Variants in CYYR1 observed in about 807,000 individuals in gnomAD.
The protein encoded by CYYR1 is cysteine and tyrosine-rich protein 1.
Under a neutral mutation model 15.2 loss-of-function variants are expected in CYYR1, and 14 were observed. The observed-to-expected ratio is 0.92, with a 90% CI of 0.61 to 1.44. CYYR1 has a LOEUF of 1.44. CYYR1 is among the 40% of genes most tolerant of loss of function. The pLI is 0.00. For missense variants in CYYR1, 228 were observed against 209.5 expected (o/e 1.09, Z -0.54); for synonymous variants, 80 against 77.4 (o/e 1.03, Z -0.18).
At chr21:26,507,141 CAT>C (rs1045260487) in intron 2 of CYYR1, among the ~76,000 whole-genome samples, 6 of 152,284 alleles carry the variant, frequency 3.9e-5, no homozygotes, top group Non-Finnish European at 7.4e-5. Context: ...AATTTTGACA[CAT>C]GAGACATATG....
At chr21:26,527,205 C>T (rs2065878102) in intron 2 of CYYR1, among the ~76,000 whole-genome samples, 1 of 152,176 alleles carries the variant, frequency 6.6e-6, no homozygotes, top group African/African-American at 2.4e-5. Context: ...GCCAGAAACA[C>T]TGCCAGTTTC....
chr21:26,492,983 ATG>A (rs545047939), intron 2 of CYYR1, among the ~76,000 whole-genome samples: 1 of 151,986 alleles, frequency 6.6e-6, no homozygotes. Flanking sequence ...TTGTGTGTAT[ATG>A]TGTGTGTGTG....
chr21:26,468,783 GA>G, intron 3 of CYYR1, 149 bp from the exon 4 acceptor site: 2 of 593,410 alleles, frequency 3.4e-6, no homozygotes, highest in Non-Finnish European at 5.9e-6. Context: ...ACATATGTAT[GA>G]AAGGGTAAGT....
chr21:26,532,387 T>C (rs942220820), intron 2 of CYYR1, among the ~76,000 whole-genome samples: 2 of 152,158 alleles, frequency 1.3e-5, no homozygotes, highest in African/African-American at 4.8e-5. Context: ...GTGAGAGGCT[T>C]CTAAGACAAA....
At chr21:26,472,715 CTT>C (rs1183260209) in intron 3 of CYYR1, among the ~76,000 whole-genome samples, 1 of 151,984 alleles carries the variant, frequency 6.6e-6, no homozygotes, top group African/African-American at 2.4e-5. Flanking sequence ...AATAAAAACT[CTT>C]TGTCAAAATG....
intron 2 of CYYR1, among the ~76,000 whole-genome samples, chr21:26,484,650 T>TA (rs1471372231): frequency 6.6e-6 from 1 of 152,132 alleles, no homozygotes; most frequent in African/African-American, 2.4e-5. Context: ...CTGGAGGACT[T>TA]AATTTATGTT....
chr21:26,496,252 T>G (rs1424199163), intron 2 of CYYR1, among the ~76,000 whole-genome samples: 1 of 152,214 alleles, frequency 6.6e-6, no homozygotes, highest in Non-Finnish European at 1.5e-5. Flanking sequence ...CAAAGGGGTC[T>G]GAAGCTGCTT....
chr21:26,566,086 T>A (rs2202517), intron 2 of CYYR1, among the ~76,000 whole-genome samples, 180 bp downstream of exon 2: 2 of 152,252 alleles, frequency 1.3e-5, no homozygotes, highest in Non-Finnish European at 2.9e-5. Flanking sequence ...TTTGCATATT[T>A]TGTCAAACAA....
At chr21:26,508,612 C>T (rs886531832) in intron 2 of CYYR1, among the ~76,000 whole-genome samples, 2 of 152,028 alleles carry the variant, frequency 1.3e-5, no homozygotes, top group African/African-American at 4.8e-5. Context: ...GAGATGCTGT[C>T]GTTTGGGTAC....
intron 2 of CYYR1, among the ~76,000 whole-genome samples, chr21:26,541,280 G>T (rs868366148): frequency 1.9e-4 from 29 of 151,972 alleles, no homozygotes; most frequent in African/African-American, 6.5e-4. Flanking sequence ...ATCCTATGTA[G>T]TATAAATAGA....
At chr21:26,510,741 C>A (rs558933643) in intron 2 of CYYR1, among the ~76,000 whole-genome samples, 7 of 152,178 alleles carry the variant, frequency 4.6e-5, no homozygotes, top group Admixed American at 4.6e-4. Context: ...TGTTGTCAGA[C>A]TTCAAAAAGA....
intron 2 of CYYR1, among the ~76,000 whole-genome samples, chr21:26,498,717 A>T: frequency 6.6e-6 from 1 of 152,164 alleles, no homozygotes; most frequent in East Asian, 1.9e-4. Flanking sequence ...ATTGACTCAC[A>T]CTTCCGCATG....
chr21:26,480,895 A>G (rs1028021941), intron 2 of CYYR1, among the ~76,000 whole-genome samples: 48 of 152,324 alleles, frequency 3.2e-4, no homozygotes, highest in African/African-American at 1.2e-3. Context: ...AACACTCTTC[A>G]TAGAACAAGA....
At chr21:26,543,921 TAATA>T in intron 2 of CYYR1, among the ~76,000 whole-genome samples, 1 of 151,474 alleles carries the variant, frequency 6.6e-6, no homozygotes, top group East Asian at 1.9e-4. Flanking sequence ...ATAATAATAA[TAATA>T]AATAAATAAA....
At chr21:26,514,996 C>G (rs1454321403) in intron 2 of CYYR1, among the ~76,000 whole-genome samples, 2 of 152,212 alleles carry the variant, frequency 1.3e-5, no homozygotes, top group East Asian at 1.9e-4. Context: ...TTTCACGATT[C>G]AATGTGGTAT....
At chr21:26,516,988 G>A (rs945712867) in intron 2 of CYYR1, among the ~76,000 whole-genome samples, 1 of 150,274 alleles carries the variant, frequency 6.7e-6, no homozygotes, top group South Asian at 2.1e-4. Flanking sequence ...GGTAGCGGGC[G>A]CCTGTAGTCC....
intron 2 of CYYR1, 121 bp from the exon 3 acceptor site, chr21:26,480,550 G>T: frequency 2.9e-6 from 3 of 1,020,174 alleles, no homozygotes; most frequent in Non-Finnish European, 4.0e-6. Context: ...GATAATGTGT[G>T]TGTGTTTTTC....
chr21:26,565,237 G>A (rs566814200), intron 2 of CYYR1, among the ~76,000 whole-genome samples: 2 of 152,250 alleles, frequency 1.3e-5, no homozygotes, highest in Admixed American at 1.3e-4. Flanking sequence ...TTTATGTGGT[G>A]CCAGGTTTTC....
intron 2 of CYYR1, chr21:26,483,229 T>G (rs1425908346): frequency 6.5e-6 from 1 of 154,882 alleles, no homozygotes; most frequent in South Asian, 2.1e-4. Context: ...CCAGTGTCTG[T>G]GTTTCTTCCA....
Sources: allele counts gnomAD v4.1 joint callset (sites outside exome capture counted in the v4.1 genomes callset), GRCh38; gene constraint gnomAD v4.1.1; transcripts MANE v1.5; gene names NCBI Gene and HGNC (gene_info 2026-07-23, HGNC 2026-07-21).